Variants in WDR70 observed in about 807,000 individuals in gnomAD.
WDR70 encodes the protein WD repeat-containing protein 70.
Under a neutral mutation model 88.6 loss-of-function variants are expected in WDR70, and 53 were observed. The observed-to-expected ratio is 0.60, with a 90% CI of 0.48 to 0.75. The LOEUF (loss-of-function observed/expected upper bound fraction) is 0.75. Ranked by LOEUF, WDR70 falls within the 30% of genes least tolerant of loss-of-function variation. The probability of loss-of-function intolerance (pLI) is 0.00; values close to 1 mark genes in which losing one functional copy is unlikely to be tolerated. For synonymous variants in WDR70, 280 were observed against 270.0 expected (o/e 1.04, Z -0.36); for missense variants, 610 against 823.2 (o/e 0.74, Z 3.17).
At chr5:37,421,709 A>T (rs1350385433) in intron 5 of WDR70, among the ~76,000 whole-genome samples, 5 of 152,110 alleles carry the variant, frequency 3.3e-5, no homozygotes, top group African/African-American at 1.2e-4. Context: ...CAATCAACAA[A>T]TATTCTTTGT....
chr5:37,605,895 A>G (rs2112477493), intron 10 of WDR70, among the ~76,000 whole-genome samples: 1 of 152,298 alleles, frequency 6.6e-6, no homozygotes, highest in East Asian at 1.9e-4. Context: ...TAAAACAAAG[A>G]TGTTTGTTAA....
At chr5:37,687,226 T>C (rs1192941490) in intron 10 of WDR70, among the ~76,000 whole-genome samples, 1 of 152,146 alleles carries the variant, frequency 6.6e-6, no homozygotes, top group East Asian at 1.9e-4. Flanking sequence ...TTTTTCCTCA[T>C]TGGAATATAC....
intron 8 of WDR70, among the ~76,000 whole-genome samples, chr5:37,514,661 TC>T (rs1740833069): frequency 6.6e-6 from 1 of 151,928 alleles, no homozygotes; most frequent in African/African-American, 2.4e-5. Flanking sequence ...GGTTTTCTGT[TC>T]CTACGTTAGA....
intron 9 of WDR70, among the ~76,000 whole-genome samples, chr5:37,547,515 C>T (rs1411335915): frequency 6.6e-6 from 1 of 151,750 alleles, no homozygotes; most frequent in African/African-American, 2.4e-5. Context: ...TTTGTGGGTA[C>T]ATAGTAAGTG....
chr5:37,423,482 T>C (rs1750012906), intron 5 of WDR70, among the ~76,000 whole-genome samples: 1 of 151,892 alleles, frequency 6.6e-6, no homozygotes, highest in Admixed American at 6.6e-5. Context: ...TAATCATTGC[T>C]TTTTTAAAAT....
At chr5:37,744,227 A>G (rs150246551) in intron 17 of WDR70, among the ~76,000 whole-genome samples, 2,281 of 152,266 alleles carry the variant, frequency 0.015, 63 homozygotes, top group African/African-American at 0.052. Flanking sequence ...AGTAACAACA[A>G]CAGCATCAAC....
intron 9 of WDR70, among the ~76,000 whole-genome samples, chr5:37,528,630 A>T (rs1741382763): frequency 4.9e-5 from 1 of 20,444 alleles, no homozygotes; most frequent in South Asian, 1.9e-3. Flanking sequence ...AAGTATAATA[A>T]AAAAAAACTA....
At chr5:37,555,095 C>T (rs954568149) in intron 9 of WDR70, among the ~76,000 whole-genome samples, 1 of 152,096 alleles carries the variant, frequency 6.6e-6, no homozygotes, top group Non-Finnish European at 1.5e-5. Flanking sequence ...GGCCTTAGCT[C>T]CCATGAGAAG....
chr5:37,410,688 A>G (rs957544723), intron 5 of WDR70, among the ~76,000 whole-genome samples: 3 of 152,214 alleles, frequency 2.0e-5, no homozygotes, highest in African/African-American at 7.2e-5. Flanking sequence ...TACAGAGTAC[A>G]TATTTGTTAA....
chr5:37,716,215 T>C (rs1275012277), intron 13 of WDR70, among the ~76,000 whole-genome samples: 1 of 152,202 alleles, frequency 6.6e-6, no homozygotes, highest in African/African-American at 2.4e-5. Flanking sequence ...AACATAATCA[T>C]GTTTAAGGTA....
chr5:37,420,657 A>T (rs975286823), intron 5 of WDR70, among the ~76,000 whole-genome samples: 1 of 152,022 alleles, frequency 6.6e-6, no homozygotes, highest in African/African-American at 2.4e-5. Context: ...TCCCGAACTC[A>T]TGGCTTTAAA....
At chr5:37,456,459 A>T (rs1738843304) in intron 7 of WDR70, among the ~76,000 whole-genome samples, 1 of 152,216 alleles carries the variant, frequency 6.6e-6, no homozygotes, top group Non-Finnish European at 1.5e-5. Context: ...TTTATAAGAT[A>T]TGTGTGTCAC....
At chr5:37,413,917 G>A (rs540315611) in intron 5 of WDR70, among the ~76,000 whole-genome samples, 15 of 151,996 alleles carry the variant, frequency 9.9e-5, no homozygotes, top group African/African-American at 2.9e-4. Flanking sequence ...ATGCCAAGGC[G>A]GATGGATCAC....
intron 17 of WDR70, among the ~76,000 whole-genome samples, chr5:37,745,445 G>A (rs999102842): frequency 2.0e-5 from 3 of 151,584 alleles, no homozygotes; most frequent in African/African-American, 7.3e-5. Flanking sequence ...AATGTAAATG[G>A]GCTAAATGTC....
chr5:37,745,573 A>T (rs1246934641), intron 17 of WDR70, among the ~76,000 whole-genome samples: 1 of 151,244 alleles, frequency 6.6e-6, no homozygotes, highest in African/African-American at 2.5e-5. Flanking sequence ...AAATAAAGGG[A>T]TGGAGGAAAA....
intron 10 of WDR70, among the ~76,000 whole-genome samples, chr5:37,632,216 C>T (rs1744837398): frequency 6.6e-6 from 1 of 152,136 alleles, no homozygotes; most frequent in Non-Finnish European, 1.5e-5. Context: ...ACCTATTATG[C>T]TGCCAGTAGT....
chr5:37,685,152 T>C (rs1178743182), intron 10 of WDR70, among the ~76,000 whole-genome samples: 1 of 152,042 alleles, frequency 6.6e-6, no homozygotes, highest in Non-Finnish European at 1.5e-5. Flanking sequence ...GCTGATGGGC[T>C]CTGTGCCCAC....
In WDR70 at chr5:37,396,377, A is replaced by C; in HGVS notation, c.299A>C (p.Asp100Ala). Residue 100 changes from aspartate (D) to alanine (A), a missense_variant and splice_region_variant, in exon 5 of 18, where the codon GAT (aspartate) becomes GCT (alanine). This residue lies in a region of WDR70 where 203 missense variants were observed against 228.1 expected (regional missense o/e 0.89). Transcript: ENST00000265107. The stretch of plus-strand genomic sequence containing the variant: ...AGTTTCTGTTTCTGTATTTTCAGGG[A>C]TACGAGCAGCAGTGAAAGTGAACAG... Reference protein sequence around the residue: ...VRDCSKSSSRDTSSSESEQSS... With the variant: ...VRDCSKSSSRATSSSESEQSS... The C allele has an allele frequency of 3.1e-6, 5 of 1,604,882 alleles. No individual in the cohort carries two copies. The highest frequency in any genetic ancestry group is 4.3e-6 in the Non-Finnish European group (5 of 1,175,590).
intron 10 of WDR70, among the ~76,000 whole-genome samples, chr5:37,678,820 A>C (rs564801146): frequency 6.6e-6 from 1 of 152,354 alleles, no homozygotes; most frequent in East Asian, 1.9e-4. Context: ...AATATCCTGC[A>C]GAGTGTTTTC....
Sources: gnomAD v4.1 joint callset for allele counts (sites outside exome capture counted in the v4.1 genomes callset) on GRCh38, gnomAD v4.1.1 for gene constraint, gnomAD v4.1.1 regional missense constraint, MANE v1.5 for transcripts, NCBI Gene and HGNC (gene_info 2026-07-23, HGNC 2026-07-21) for gene names.